Variants in FAT2 observed in about 807,000 individuals in gnomAD.
FAT2 encodes protocadherin Fat 2.
Under a neutral mutation model 295.3 loss-of-function variants are expected in FAT2, and 150 were observed. The ratio of observed to expected loss-of-function variants is 0.51; its 90% CI spans 0.44 to 0.58. FAT2 has a LOEUF of 0.58. Ranked by LOEUF, FAT2 falls within the 20% of genes least tolerant of loss-of-function variation. The pLI, the probability that FAT2 is intolerant of heterozygous loss-of-function variation, is 0.00. For synonymous variants in FAT2, 2,026 were observed against 2,150.3 expected, an observed-to-expected ratio of 0.94 and a Z score of 1.60; for missense variants, 4,868 against 5,442.7, an observed-to-expected ratio of 0.89 and a Z score of 3.32.
intron 20 of FAT2, among the ~76,000 whole-genome samples, chr5:151,516,854 C>T (rs1455249199): frequency 6.6e-6 from 1 of 152,122 alleles, no homozygotes; most frequent in Non-Finnish European, 1.5e-5. Context: ...GCCTGTAATC[C>T]TAGCACTTTG....
chr5:151,552,317 C>T (rs1757291744), intron 6 of FAT2, among the ~76,000 whole-genome samples: 1 of 151,962 alleles, frequency 6.6e-6, no homozygotes, highest in Non-Finnish European at 1.5e-5. Context: ...TTAGAGGGTA[C>T]ATGCATTAAT....
chr5:151,560,617 A>G (rs1421060388), intron 3 of FAT2, among the ~76,000 whole-genome samples: 2 of 151,946 alleles, frequency 1.3e-5, no homozygotes, highest in African/African-American at 4.8e-5. Context: ...CTGAGTGGCC[A>G]GGGCACTGTA....
intron 1 of FAT2, among the ~76,000 whole-genome samples, chr5:151,582,321 A>G (rs1758991261): frequency 6.6e-6 from 1 of 152,228 alleles, no homozygotes; most frequent in Non-Finnish European, 1.5e-5. Context: ...CCACCCAGCC[A>G]TCAGCAGACA....
intron 1 of FAT2, among the ~76,000 whole-genome samples, chr5:151,588,326 G>A (rs1204318762): frequency 6.6e-6 from 1 of 152,214 alleles, no homozygotes; most frequent in East Asian, 1.9e-4. Context: ...AACATCTCCT[G>A]AACTGGGCTA....
rs142049735 is a variant in FAT2 at position 151,505,493 on chromosome 5, C to A, written c.*72G>T. 40 of 1,579,942 alleles carry A rather than the reference C, an allele frequency of 2.5e-5. No individual in the cohort carries two copies. Among genetic ancestry groups the A allele is most frequent in the African/African-American group, 2.2e-4 (16 of 73,474 alleles). On this transcript the variant is annotated 3_prime_UTR_variant, in exon 24 of 24. Transcript: ENST00000261800. ...TCTCCCAGCCACACTCAACTCACCC[C>A]CTACGAGACAGGAAGAAATAAGCCA... is the stretch of plus-strand genomic sequence containing the variant.
chr5:151,524,651 C>A (rs899302874), intron 18 of FAT2, among the ~76,000 whole-genome samples: 76 of 152,208 alleles, frequency 5.0e-4, no homozygotes, highest in African/African-American at 1.6e-3. Flanking sequence ...ACAGTTTGGA[C>A]CTCAGATAAT....
chr5:151,566,483 C>A lies in FAT2; in HGVS notation c.2449G>T (p.Ala817Ser), dbSNP rs138650496. 14 of 1,613,584 alleles carry A rather than the reference C, an allele frequency of 8.7e-6. No homozygotes were observed. In the African/African-American group the frequency reaches 1.7e-4, roughly 20 times the overall value. The change falls in exon 2 of 24, where the codon GCA (alanine) becomes TCA (serine). Residue 817 changes from alanine to serine, a missense_variant. Coordinates refer to ENST00000261800, the MANE Select transcript of FAT2 (RefSeq NM_001447.3). ...TACCCACCGGGAGGAAATCTGGGTGCGTTGTCATTCCAGTCTTTCACATTC... is the reference window on the plus strand; with the variant it reads ...TACCCACCGGGAGGAAATCTGGGTGAGTTGTCATTCCAGTCTTTCACATTC... ...TVNVKDWNDN[A>S]PRFPPGGYQL...
At chr5:151,560,363 C>G (rs537478289) in intron 3 of FAT2, among the ~76,000 whole-genome samples, 1 of 152,344 alleles carries the variant, frequency 6.6e-6, no homozygotes, top group South Asian at 2.1e-4. Flanking sequence ...CTCACTTTCC[C>G]AAGATGTCAT....
intron 1 of FAT2, among the ~76,000 whole-genome samples, chr5:151,574,599 C>A (rs749344925): frequency 6.6e-6 from 1 of 152,136 alleles, no homozygotes; most frequent in South Asian, 2.1e-4. Flanking sequence ...GAAGCAGAAC[C>A]AGGACAGGGC....
chr5:151,558,317 A>G (rs778107370), intron 3 of FAT2, among the ~76,000 whole-genome samples: 5 of 152,172 alleles, frequency 3.3e-5, no homozygotes, highest in African/African-American at 4.8e-5. Context: ...ATTGTTGAGT[A>G]AAAAAGGCAG....
chr5:151,547,976 A>C (rs1756813730), intron 9 of FAT2, among the ~76,000 whole-genome samples: 1 of 152,258 alleles, frequency 6.6e-6, no homozygotes, highest in African/African-American at 2.4e-5. Context: ...TTTTAAAACT[A>C]ATCTAATCTG....
chr5:151,555,272 T>C (rs1757578715), intron 4 of FAT2, among the ~76,000 whole-genome samples: 1 of 152,168 alleles, frequency 6.6e-6, no homozygotes, highest in African/African-American at 2.4e-5. Flanking sequence ...CTTTGGTGTT[T>C]AAAGGTAAAT....
rs138459865 is a variant in FAT2 at position 151,534,970 on chromosome 5, AATATATAT to A, written c.9194-336_9194-329del. On this transcript the variant is annotated intron_variant, in intron 12 of 23. Coordinates refer to ENST00000261800, the MANE Select transcript of FAT2 (RefSeq NM_001447.3). ...TGGTTCGTAATTCCACTTCTAGGAA[AATATATAT>A]ATATATATATATATATATGTATACA... Among the ~76,000 whole-genome samples the A allele has an allele frequency of 1.9e-3, 206 of 106,416 alleles. 11 individuals carry two copies. In the East Asian group the frequency reaches 0.023, roughly 12 times the overall value. 69.8% of individuals were successfully genotyped at this position (106,416 alleles called of 152,430 possible).
At chr5:151,536,634 G>C (rs1485543726) in intron 12 of FAT2, among the ~76,000 whole-genome samples, 3 of 152,148 alleles carry the variant, frequency 2.0e-5, no homozygotes, top group Non-Finnish European at 4.4e-5. Flanking sequence ...AGGAATCTCT[G>C]CTTCCCACTC....
Position 151,512,581 on chromosome 5 carries a change from T to A in FAT2, c.11489A>T (p.Glu3830Val). 1 of 1,612,132 alleles carries A rather than the reference T, an allele frequency of 6.2e-7. No homozygotes were observed. The highest frequency in any genetic ancestry group is 8.5e-7 in the Non-Finnish European group (1 of 1,178,876). Residue 3830 changes from glutamate to valine, a missense_variant, in exon 21 of 24, where the codon GAA (glutamate) becomes GTA (valine). Around this residue, in one of 5 missense-constraint regions of FAT2, gnomAD observed 1,046 missense variants for 1,210.1 expected, o/e 0.86. Coordinates refer to ENST00000261800, the MANE Select transcript of FAT2 (RefSeq NM_001447.3). The surrounding 1 kb of genome is among the most constrained non-coding windows in gnomAD (Gnocchi z 4.1). ...ATAGAAACCACCCAGACAGTGGTATTCCAGCTGGGGCACTCCACTGGCCAG... is the reference window on the plus strand; with the variant it reads ...ATAGAAACCACCCAGACAGTGGTATACCAGCTGGGGCACTCCACTGGCCAG... ...LKLASGVPQL[E>V]YHCLGGFYGN...
chr5:151,556,299 A>AT, intron 4 of FAT2, 45 bp downstream of exon 4: 1 of 1,564,944 alleles, frequency 6.4e-7, no homozygotes, highest in Middle Eastern at 1.7e-4. Flanking sequence ...AAGGCCTAAC[A>AT]TGGCTCCACA....
intron 19 of FAT2, among the ~76,000 whole-genome samples, chr5:151,519,460 C>A (rs973789382): frequency 3.3e-5 from 5 of 152,174 alleles, no homozygotes; most frequent in Non-Finnish European, 7.3e-5. Context: ...ATTCCCACCC[C>A]GGCTGGATAT....
chr5:151,551,603 C>T lies in FAT2; in HGVS notation c.4160G>A (p.Gly1387Glu). 1 of 1,614,118 alleles carries T rather than the reference C, an allele frequency of 6.2e-7. No individual in the cohort carries two copies. ...PGLFWFNISG[G>E]DKDMDFDIEK... is the part of the protein sequence containing the mutation. ...AATGTCAAAGTCCATGTCCTTATCC[C>T]CACCTAGAGTGGGAGTGGGGAGAAA... The change falls in exon 7 of 24, where the codon GGG (glycine) becomes GAG (glutamate). Residue 1387 changes from glycine to glutamate, a missense_variant. Gly to Glu is a moderately conservative substitution (Grantham distance 98, BLOSUM62 -2). Transcript: ENST00000261800.
rs1186570017 is a variant in FAT2, at chr5:151,504,977, G to A, written c.*588C>T. The A allele has an allele frequency of 6.5e-6, 1 of 154,142 alleles. No individual in the cohort carries two copies. The highest frequency in any genetic ancestry group is 2.4e-5 in the African/African-American group (1 of 41,442). 9.5% of individuals were successfully genotyped at this position (154,142 alleles called of 1,614,324 possible). On this transcript the variant is annotated 3_prime_UTR_variant, in exon 24 of 24. Transcript: ENST00000261800. ...TTTTCTCCCCGGTGCAAAGCACAGT[G>A]CCTGACGTGGAGCAGACACTTGACA...
Sources: allele counts gnomAD v4.1 joint callset (sites outside exome capture counted in the v4.1 genomes callset), GRCh38; gene constraint gnomAD v4.1.1; regional missense constraint gnomAD v4.1.1; non-coding constraint Gnocchi (gnomAD v3.1); transcripts MANE v1.5; gene names NCBI Gene and HGNC (gene_info 2026-07-23, HGNC 2026-07-21).